The following DMD variants were observed in gnomAD, a reference collection of about 807,000 sequenced individuals.
DMD encodes the protein dystrophin.
Under a neutral mutation model 330.1 loss-of-function variants are expected in DMD, and 63 were observed. The ratio of observed to expected loss-of-function variants is 0.19; its 90% CI spans 0.16 to 0.24. The LOEUF (loss-of-function observed/expected upper bound fraction) is 0.24. Among genes scored for constraint, DMD ranks in the 10% least tolerant of loss-of-function variants. The pLI, the probability that DMD is intolerant of heterozygous loss-of-function variation, is 1.00. For synonymous variants in DMD, 1,223 were observed against 959.8 expected, an observed-to-expected ratio of 1.27 and a Z score of -5.07; for missense variants, 3,344 against 2,684.1, an observed-to-expected ratio of 1.25 and a Z score of -5.43.
At chrX:32,464,821 G>T in intron 23 of DMD, 122 bp from the exon 24 acceptor site, 1 of 544,377 alleles carries the variant, frequency 1.8e-6, no homozygotes, top group East Asian at 3.6e-5. Flanking sequence ...ATGTCTCTAA[G>T]TAGTTCTTGA....
intron 51 of DMD, among the ~76,000 whole-genome samples, chrX:31,744,426 T>C (rs2087650829): frequency 8.9e-6 from 1 of 111,742 alleles, no homozygotes; most frequent in Non-Finnish European, 1.9e-5. Context: ...CAAAGTGCAA[T>C]AAAGTGAAAC....
intron 2 of DMD, among the ~76,000 whole-genome samples, chrX:32,993,690 C>T (rs2093039280): frequency 9.1e-6 from 1 of 110,137 alleles, no homozygotes; most frequent in African/African-American, 3.3e-5. Context: ...TTTTATAAAA[C>T]TTTTGTTTTA....
chrX:31,282,363 T>A (rs2052684972), intron 62 of DMD, among the ~76,000 whole-genome samples: 2 of 111,316 alleles, frequency 1.8e-5, no homozygotes, highest in Admixed American at 1.9e-4. Flanking sequence ...GAGGGAAAAG[T>A]GATTAATCAC....
chrX:32,852,166 G>A (rs1432999848), intron 2 of DMD, among the ~76,000 whole-genome samples: 1 of 111,403 alleles, frequency 9.0e-6, no homozygotes, highest in Non-Finnish European at 1.9e-5. Flanking sequence ...GGACAGTAAA[G>A]ATGACATTGT....
chrX:32,600,266 A>G (rs761926009), intron 12 of DMD, among the ~76,000 whole-genome samples: 1 of 111,902 alleles, frequency 8.9e-6, no homozygotes, highest in South Asian at 3.7e-4. Context: ...CATGTAAAAT[A>G]ATACTTAGGA....
At chrX:31,224,664 T>A (rs933019565) in intron 63 of DMD, among the ~76,000 whole-genome samples, 3 of 111,056 alleles carry the variant, frequency 2.7e-5, no homozygotes, top group African/African-American at 9.9e-5. Flanking sequence ...TAAAAAAAAA[T>A]GTATGTCCAC....
intron 6 of DMD, 45 bp from the exon 7 acceptor site, chrX:32,809,656 T>C (rs926995069): frequency 9.4e-7 from 1 of 1,061,758 alleles, no homozygotes; most frequent in African/African-American, 1.8e-5. Flanking sequence ...CAAATATAAA[T>C]CAATCTAGAA....
At chrX:31,467,024 G>A (rs1308602109) in intron 59 of DMD, among the ~76,000 whole-genome samples, 1 of 112,101 alleles carries the variant, frequency 8.9e-6, no homozygotes, top group Non-Finnish European at 1.9e-5. Context: ...TGTATCCTGA[G>A]ACTTTGCTGA....
intron 1 of DMD, among the ~76,000 whole-genome samples, chrX:33,257,118 T>C (rs1030125936): frequency 9.0e-5 from 10 of 110,953 alleles, no homozygotes; most frequent in Non-Finnish European, 5.7e-5. Flanking sequence ...AATGTGTCCA[T>C]TTCTGAGAAA....
At chrX:31,863,193 A>G (rs991502685) in intron 48 of DMD, among the ~76,000 whole-genome samples, 1 of 111,898 alleles carries the variant, frequency 8.9e-6, no homozygotes, top group South Asian at 3.7e-4. Context: ...AATACACAAA[A>G]TTAGCCGGGC....
At position 31,596,491 on chromosome X, in the gene DMD, G is replaced by A. The variant is rs16989708; in HGVS notation, c.8217+31182C>T. On this transcript the variant is annotated intron_variant, in intron 55 of 78. Transcript: ENST00000357033. ...AGCTGCTGAAACACTAACGAGAATT[G>A]AGAAGACCTGGGCTGTTGGACCTTT... 7.5e-3 allele frequency among the ~76,000 whole-genome samples: 833 copies of A among 111,619 alleles called. 10 individuals carry two copies. Among genetic ancestry groups the A allele is most frequent in the African/African-American group, 0.026 (794 of 30,721 alleles).
chrX:33,036,270 G>A (rs962298447), intron 1 of DMD, among the ~76,000 whole-genome samples: 31 of 111,568 alleles, frequency 2.8e-4, no homozygotes, highest in Admixed American at 2.8e-3. Flanking sequence ...AAAGCTTTAG[G>A]ATTTAAAGTT....
intron 63 of DMD, among the ~76,000 whole-genome samples, chrX:31,232,354 G>A (rs996740390): frequency 3.6e-5 from 4 of 111,352 alleles, no homozygotes; most frequent in African/African-American, 1.3e-4. Flanking sequence ...GTTGATAGAA[G>A]AGGAATAAAA....
At chrX:31,370,125 G>T (rs1189893230) in intron 60 of DMD, among the ~76,000 whole-genome samples, 1 of 105,170 alleles carries the variant, frequency 9.5e-6, no homozygotes, top group Non-Finnish European at 1.9e-5. Flanking sequence ...AAGAACAGGA[G>T]AAAATCTTTG....
intron 2 of DMD, among the ~76,000 whole-genome samples, chrX:32,930,867 C>T (rs1240066155): frequency 3.6e-5 from 4 of 109,722 alleles, no homozygotes; most frequent in Non-Finnish European, 7.6e-5. Context: ...CTATGACACA[C>T]TATACTAGGT....
At chrX:32,653,074 T>G (rs922580510) in intron 9 of DMD, among the ~76,000 whole-genome samples, 26 of 111,425 alleles carry the variant, frequency 2.3e-4, no homozygotes, top group Non-Finnish European at 1.9e-4. Flanking sequence ...TGCCAGATGA[T>G]TAGATTGTAA....
intron 9 of DMD, among the ~76,000 whole-genome samples, chrX:32,648,110 G>T (rs1198006000): frequency 1.8e-5 from 2 of 111,481 alleles, no homozygotes; most frequent in South Asian, 3.7e-4. Flanking sequence ...TATTTACACA[G>T]GATTGAATTT....
intron 42 of DMD, among the ~76,000 whole-genome samples, chrX:32,301,512 A>G (rs2097523771): frequency 9.0e-6 from 1 of 111,033 alleles, no homozygotes; most frequent in African/African-American, 3.3e-5. Flanking sequence ...GTATTAAACT[A>G]TAAGATATTG....
In DMD at chrX:31,496,930, G is replaced by T; in HGVS notation, c.8405C>A (p.Ala2802Asp). The change falls in exon 57 of 79, where the codon GCC becomes GAC. Residue 2802 changes from alanine to aspartate, a missense_variant. Physicochemically the swap from Ala to Asp is moderately radical, Grantham distance 126 (BLOSUM62 -2). Coordinates refer to ENST00000357033, the MANE Select transcript of DMD (RefSeq NM_004006.3). The part of the protein sequence containing the change: ...KSLNIRSHLE[A>D]SSDQWKRLHL... Reference sequence around the variant, plus strand: ...CAGACGCTTCCACTGGTCAGAACTGGCTTCCAAATGGGACCTGAAAAAGAA... The same window carrying T: ...CAGACGCTTCCACTGGTCAGAACTGTCTTCCAAATGGGACCTGAAAAAGAA... 1.7e-6 allele frequency: 2 copies of T among 1,208,672 alleles called. No individual in the cohort carries two copies. The highest frequency in any genetic ancestry group is 1.8e-5 in the South Asian group (1 of 56,278).
Sources: allele counts gnomAD v4.1 joint callset (sites outside exome capture counted in the v4.1 genomes callset), GRCh38; gene constraint gnomAD v4.1.1; transcripts MANE v1.5; gene names NCBI Gene and HGNC (gene_info 2026-07-23, HGNC 2026-07-21).